The following CXCL13 variants were observed in gnomAD, a reference collection of about 807,000 sequenced individuals.
CXCL13 encodes the protein C-X-C motif chemokine 13.
CXCL13 carries 7 observed loss-of-function variants against 12.2 expected under a neutral mutation model. The observed-to-expected ratio is 0.57, with a 90% CI of 0.33 to 1.07. The LOEUF (loss-of-function observed/expected upper bound fraction) is 1.07. Among genes scored for constraint, CXCL13 ranks in the 50% least tolerant of loss-of-function variants. CXCL13 has a pLI of 0.04. For missense variants in CXCL13, 113 were observed against 127.4 expected (o/e 0.89, Z 0.55); for synonymous variants, 47 against 42.4 (o/e 1.11, Z -0.42).
At chr4:77,585,931 C>T (rs1726446105) in intron 1 of CXCL13, among the ~76,000 whole-genome samples, 1 of 152,152 alleles carries the variant, frequency 6.6e-6, no homozygotes, top group African/African-American at 2.4e-5. Context: ...CCTAGCACTT[C>T]CCAGAGGTTG....
chr4:77,571,565 G>A (rs1229450014), intron 1 of CXCL13, among the ~76,000 whole-genome samples: 1 of 151,366 alleles, frequency 6.6e-6, no homozygotes, highest in Non-Finnish European at 1.5e-5. Flanking sequence ...TGTCGAAACT[G>A]TGTATCTAAC....
chr4:77,594,590 T>TG (rs1196184240), intron 1 of CXCL13, among the ~76,000 whole-genome samples: 1 of 150,476 alleles, frequency 6.6e-6, no homozygotes, highest in African/African-American at 2.5e-5. Flanking sequence ...TGGGCTCTGT[T>TG]GACAGGCAGC....
At chr4:77,570,905 G>A (rs1319202527) in intron 1 of CXCL13, among the ~76,000 whole-genome samples, 2 of 152,018 alleles carry the variant, frequency 1.3e-5, no homozygotes, top group Non-Finnish European at 2.9e-5. Flanking sequence ...TTCCCATGGG[G>A]CAGGCCTCGG....
At chr4:77,545,091 G>T (rs1167065432) in intron 1 of CXCL13, among the ~76,000 whole-genome samples, 2 of 152,100 alleles carry the variant, frequency 1.3e-5, no homozygotes, top group African/African-American at 2.4e-5. Flanking sequence ...GCTCTCTTCT[G>T]TTTCACTGGT....
intron 1 of CXCL13, 95 bp from the exon 2 acceptor site, chr4:77,607,608 T>C (rs1727024652): frequency 8.2e-7 from 1 of 1,219,692 alleles, no homozygotes; most frequent in Non-Finnish European, 1.1e-6. Flanking sequence ...AACTTTTAAG[T>C]CTTCAAATGC....
chr4:77,512,653 C>G (rs1724303840), intron 1 of CXCL13, among the ~76,000 whole-genome samples: 1 of 152,122 alleles, frequency 6.6e-6, no homozygotes, highest in African/African-American at 2.4e-5. Context: ...ACTTAATTGC[C>G]TCTTTAAAAA....
intron 1 of CXCL13, among the ~76,000 whole-genome samples, chr4:77,547,519 T>TTTAA (rs1725397137): frequency 6.6e-6 from 1 of 152,324 alleles, no homozygotes; most frequent in South Asian, 2.1e-4. Context: ...TCTTTGTTGG[T>TTTAA]TTAAAGTCTG....
intron 1 of CXCL13, among the ~76,000 whole-genome samples, chr4:77,531,992 CTT>C (rs770002876): frequency 1.3e-4 from 20 of 152,166 alleles, no homozygotes; most frequent in Non-Finnish European, 1.6e-4. Context: ...CGTCTTGACT[CTT>C]TATCCAATTT....
At chr4:77,559,590 C>CAT (rs1553916316) in intron 1 of CXCL13, among the ~76,000 whole-genome samples, 2 of 148,630 alleles carry the variant, frequency 1.3e-5, no homozygotes, top group African/African-American at 4.9e-5. Context: ...CTAAATATGC[C>CAT]GTGTGTGTGT....
chr4:77,515,586 A>G (rs906386812), intron 1 of CXCL13, among the ~76,000 whole-genome samples: 2 of 152,110 alleles, frequency 1.3e-5, no homozygotes, highest in African/African-American at 2.4e-5. Flanking sequence ...ATGGGAGTTC[A>G]CTCATGATTT....
chr4:77,531,431 T>C (rs989379962), intron 1 of CXCL13, among the ~76,000 whole-genome samples: 3 of 151,824 alleles, frequency 2.0e-5, no homozygotes, highest in Non-Finnish European at 4.4e-5. Context: ...TAATTTCTGT[T>C]CTTCTACATT....
intron 1 of CXCL13, among the ~76,000 whole-genome samples, chr4:77,513,417 A>AT (rs1724320978): frequency 6.7e-6 from 1 of 149,974 alleles, no homozygotes; most frequent in South Asian, 2.1e-4. Context: ...AAGCATTCCT[A>AT]TTTCTCCACA....
At chr4:77,602,995 C>T (rs908599854), upstream of CXCL13, among the ~76,000 whole-genome samples, 4 of 152,152 alleles carry the variant, frequency 2.6e-5, no homozygotes, top group Non-Finnish European at 5.9e-5. Context: ...GAGCTCTGGG[C>T]ATTAAAGAAA....
At chr4:77,522,116 T>G (rs984819697) in intron 1 of CXCL13, among the ~76,000 whole-genome samples, 1 of 152,108 alleles carries the variant, frequency 6.6e-6, no homozygotes, top group South Asian at 2.1e-4. Context: ...TGCTGAGGAG[T>G]GCTTTACTTC....
chr4:77,523,543 C>T (rs1724674368), intron 1 of CXCL13, among the ~76,000 whole-genome samples: 1 of 152,156 alleles, frequency 6.6e-6, no homozygotes, highest in Non-Finnish European at 1.5e-5. Context: ...GTTCTCGTGC[C>T]ATGGTTTTCA....
chr4:77,517,106 G>T (rs1162798361), intron 1 of CXCL13, among the ~76,000 whole-genome samples: 2 of 152,120 alleles, frequency 1.3e-5, no homozygotes, highest in Non-Finnish European at 2.9e-5. Flanking sequence ...TTTCCATATA[G>T]TTGAGTGGTT....
intron 1 of CXCL13, among the ~76,000 whole-genome samples, chr4:77,530,478 T>C (rs906781698): frequency 6.6e-6 from 1 of 152,202 alleles, no homozygotes; most frequent in East Asian, 1.9e-4. Context: ...ATTCAGAGAT[T>C]CAATTTCTTC....
At chr4:77,517,174 G>C (rs1462721973) in intron 1 of CXCL13, among the ~76,000 whole-genome samples, 1 of 152,146 alleles carries the variant, frequency 6.6e-6, no homozygotes, top group African/African-American at 2.4e-5. Context: ...CTGAGAGATA[G>C]TTTGTTATAA....
intron 1 of CXCL13, among the ~76,000 whole-genome samples, chr4:77,599,379 C>T (rs1726842288): frequency 6.6e-6 from 1 of 152,018 alleles, no homozygotes; most frequent in African/African-American, 2.4e-5. Flanking sequence ...AATGTAAACA[C>T]TATGTAAATA....
Sources: allele counts gnomAD v4.1 joint callset (sites outside exome capture counted in the v4.1 genomes callset), GRCh38; gene constraint gnomAD v4.1.1; transcripts MANE v1.5; gene names NCBI Gene and HGNC (gene_info 2026-07-23, HGNC 2026-07-21).